NTM: variants seen among roughly 807,000 people sequenced by gnomAD.
NTM encodes the protein IgLON family member 2.
NTM carries 13 observed loss-of-function variants against 42.1 expected under a neutral mutation model. That is an observed-to-expected ratio of 0.31 (90% CI 0.20 to 0.49). The LOEUF (loss-of-function observed/expected upper bound fraction) is 0.49, where lower values mean the gene tolerates loss of function less well. Among genes scored for constraint, NTM ranks in the 20% least tolerant of loss-of-function variants. NTM has a pLI of 0.99. For missense variants in NTM, 373 were observed against 452.8 expected (o/e 0.82, Z 1.60); for synonymous variants, 187 against 179.2 (o/e 1.04, Z -0.35).
intron 1 of NTM, among the ~76,000 whole-genome samples, chr11:131,633,678 CCTCTCTCT>C (rs148248122): frequency 1.3e-4 from 6 of 47,310 alleles, no homozygotes; most frequent in African/African-American, 4.8e-4. Context: ...TCTCTCCCTC[CCTCTCTCT>C]CTCTCTCCCT....
At chr11:132,048,482 T>A (rs1187414009) in intron 2 of NTM, among the ~76,000 whole-genome samples, 2 of 152,228 alleles carry the variant, frequency 1.3e-5, no homozygotes, top group Non-Finnish European at 2.9e-5. Flanking sequence ...GAAGCTTTTC[T>A]TGTGTTCACC....
intron 3 of NTM, among the ~76,000 whole-genome samples, chr11:132,183,787 G>A (rs2077971182): frequency 6.6e-6 from 1 of 151,908 alleles, no homozygotes; most frequent in African/African-American, 2.4e-5. Context: ...TACAAATTTA[G>A]GCCATCACTA....
chr11:131,993,719 C>T (rs1214470564), intron 2 of NTM, among the ~76,000 whole-genome samples: 1 of 151,976 alleles, frequency 6.6e-6, no homozygotes, highest in Non-Finnish European at 1.5e-5. Flanking sequence ...AAAGGAGAGA[C>T]AGGCTGAGCG....
intron 1 of NTM, among the ~76,000 whole-genome samples, chr11:131,497,820 C>A (rs113247224): frequency 0.12 from 18,620 of 152,168 alleles, 1,524 homozygotes; most frequent in South Asian, 0.22. Flanking sequence ...ACAACCCCCT[C>A]CTAGCCTGTA....
intron 1 of NTM, among the ~76,000 whole-genome samples, chr11:131,769,975 A>G (rs1244831665): frequency 6.6e-6 from 1 of 152,162 alleles, no homozygotes; most frequent in African/African-American, 2.4e-5. Flanking sequence ...TCACATGCTC[A>G]GGAAGTCCCC....
chr11:131,387,429 C>G (rs79528257), intron 1 of NTM, among the ~76,000 whole-genome samples: 3,298 of 152,288 alleles, frequency 0.022, 106 homozygotes, highest in African/African-American at 0.075. Context: ...AGGAGCTGCT[C>G]TCTAACGGGA....
intron 4 of NTM, among the ~76,000 whole-genome samples, chr11:132,276,816 C>T (rs746963907): frequency 5.4e-4 from 82 of 152,208 alleles, no homozygotes; most frequent in Non-Finnish European, 7.8e-4. Context: ...TTATCCCTTA[C>T]GATTCAGCAG....
At chr11:132,326,191 A>T (rs1372066124) in intron 7 of NTM, among the ~76,000 whole-genome samples, 2 of 152,172 alleles carry the variant, frequency 1.3e-5, no homozygotes, top group African/African-American at 4.8e-5. Flanking sequence ...AAAATAAAAA[A>T]AGTGGCTAAC....
In NTM at chr11:131,959,316, C is replaced by T. The variant is rs76000353; in HGVS notation, c.167+47668C>T. On this transcript the variant is annotated intron_variant, in intron 2 of 8. Coordinates refer to ENST00000683400, the MANE Select transcript of NTM (RefSeq NM_001352005.2). ...ACCATTTCTGTCTTAAAGTTCTTCG[C>T]TGTATTAACATCCTTGAAAAGATAG... Among the ~76,000 whole-genome samples the T allele has an allele frequency of 2.3e-3, 349 of 152,258 alleles. 6 individuals are homozygous for T. In the East Asian group the frequency reaches 0.059, roughly 26 times the overall value.
rs1169232701 is a variant in NTM at position 131,464,052 on chromosome 11, C to G, written c.82+93164C>G. Reference sequence around the variant, plus strand: ...GGCTTTCTAGGCAGTTTCCCCGTCTCCCACTTGAGGACCGCGAGTTTCCTC... The same window carrying G: ...GGCTTTCTAGGCAGTTTCCCCGTCTGCCACTTGAGGACCGCGAGTTTCCTC... On this transcript the variant is annotated intron_variant, in intron 1 of 8. Transcript: ENST00000683400. 2.0e-5 allele frequency among the ~76,000 whole-genome samples: 3 copies of G among 152,216 alleles called. No homozygotes were observed. The South Asian group carries it at 6.2e-4, about 31-fold the overall frequency.
At chr11:131,561,266 G>T (rs1412296317) in intron 1 of NTM, among the ~76,000 whole-genome samples, 4 of 152,196 alleles carry the variant, frequency 2.6e-5, no homozygotes, top group Non-Finnish European at 4.4e-5. Flanking sequence ...AGGATGCTTG[G>T]CAAACAGAAT....
chr11:132,206,737 A>G (rs1292864754), intron 3 of NTM, among the ~76,000 whole-genome samples: 3 of 152,130 alleles, frequency 2.0e-5, no homozygotes, highest in Non-Finnish European at 2.9e-5. Context: ...CCCATTTGAA[A>G]CAGCTTCACT....
intron 1 of NTM, among the ~76,000 whole-genome samples, chr11:131,543,478 T>A (rs2053544349): frequency 6.6e-6 from 1 of 152,214 alleles, no homozygotes. Context: ...ACTGATCCAC[T>A]GTCTTGTAAA....
intron 2 of NTM, among the ~76,000 whole-genome samples, chr11:131,997,187 T>C (rs563693559): frequency 6.6e-6 from 1 of 152,292 alleles, no homozygotes; most frequent in Admixed American, 6.5e-5. Context: ...GTTTGGGTTC[T>C]GTATGTAGGG....
intron 2 of NTM, among the ~76,000 whole-genome samples, chr11:132,023,353 A>C (rs1205736985): frequency 6.6e-6 from 1 of 152,214 alleles, no homozygotes; most frequent in Non-Finnish European, 1.5e-5. Flanking sequence ...GCAAACAAAC[A>C]CAAGTAATAA....
intron 1 of NTM, among the ~76,000 whole-genome samples, chr11:131,457,720 C>T (rs1250105265): frequency 6.7e-6 from 1 of 148,436 alleles, no homozygotes; most frequent in African/African-American, 2.6e-5. Flanking sequence ...TGTTTTTGTC[C>T]TCCCCCCCCA....
chr11:132,243,398 C>T (rs888501605), intron 4 of NTM, among the ~76,000 whole-genome samples: 4 of 152,102 alleles, frequency 2.6e-5, no homozygotes, highest in African/African-American at 4.8e-5. Flanking sequence ...ATTGGGGGTA[C>T]GTCGAGGCAT....
At chr11:132,162,463 G>A (rs1409336944) in intron 3 of NTM, among the ~76,000 whole-genome samples, 2 of 147,228 alleles carry the variant, frequency 1.4e-5, no homozygotes, top group East Asian at 2.1e-4. Context: ...GAGTGCTTGT[G>A]TATGTTTGTG....
intron 1 of NTM, among the ~76,000 whole-genome samples, chr11:131,550,127 G>A (rs1330733704): frequency 6.6e-6 from 1 of 152,194 alleles, no homozygotes; most frequent in Non-Finnish European, 1.5e-5. Context: ...ATGACAAGAA[G>A]AACAATAGAT....
Sources: allele counts gnomAD v4.1 joint callset (sites outside exome capture counted in the v4.1 genomes callset), GRCh38; gene constraint gnomAD v4.1.1; transcripts MANE v1.5; gene names NCBI Gene and HGNC (gene_info 2026-07-23, HGNC 2026-07-21).